The following ZNF469 variants were observed in gnomAD, a reference collection of about 807,000 sequenced individuals.
ZNF469 encodes zinc finger protein 469.
ZNF469 carries 1 observed loss-of-function variant against 1.0 expected under a neutral mutation model. That is an observed-to-expected ratio of 1.00 (90% confidence interval 0.35 to 4.73). The LOEUF is 4.73. Ranked by LOEUF, ZNF469 falls within the 30% of genes most tolerant of loss-of-function variation. The pLI is 0.16. For synonymous variants in ZNF469, 2,703 were observed against 2,363.4 expected, an observed-to-expected ratio of 1.14 and a Z score of -4.17; for missense variants, 6,100 against 5,356.3, an observed-to-expected ratio of 1.14 and a Z score of -4.33.
At position 88,397,239 on chromosome 16, in the gene ZNF469, G is replaced by A. The variant is rs116478276; in HGVS notation, c.-192+13985G>A. Among the ~76,000 whole-genome samples the A allele has an allele frequency of 4.8e-3, 736 of 152,370 alleles. 7 individuals carry two copies. Among genetic ancestry groups the A allele is most frequent in the African/African-American group, 0.017 (709 of 41,580 alleles). ...GGGAAGCCTCTCATTGGCGGACCCG[G>A]TGCCCACCCTCAAGCGATCACCATG... is the stretch of plus-strand genomic sequence containing the variant. On this transcript the variant is annotated intron_variant, in intron 1 of 2. Coordinates refer to ENST00000565624, the MANE Select transcript of ZNF469 (RefSeq NM_001367624.2).
rs376113906 is a variant in ZNF469, at chr16:88,424,308, G to A, written c.-191-499G>A. On this transcript the variant is annotated intron_variant, in intron 1 of 2. Transcript: ENST00000565624. This position sits in a 1 kb window ranked among gnomAD's most constrained non-coding sequence, Gnocchi z 4.3. ...CAGGTGCAGAACAGTGAGCGTAGCCGACGATCTTCTGTTGAAGGAAGGAGG... is the reference window on the plus strand; with the variant it reads ...CAGGTGCAGAACAGTGAGCGTAGCCAACGATCTTCTGTTGAAGGAAGGAGG... 8.5e-5 allele frequency among the ~76,000 whole-genome samples: 13 copies of A among 152,216 alleles called. No homozygotes were observed. The highest frequency in any genetic ancestry group is 1.6e-4 in the Non-Finnish European group (11 of 68,036).
the ZNF469 span, among the ~76,000 whole-genome samples, chr16:88,302,686 T>A: frequency 6.6e-6 from 1 of 152,164 alleles, no homozygotes; most frequent in Non-Finnish European, 1.5e-5. Flanking sequence ...CAGCATCTGC[T>A]CCCTGCCGGA....
the ZNF469 span, among the ~76,000 whole-genome samples, chr16:88,350,815 G>A: frequency 6.6e-6 from 1 of 152,212 alleles, no homozygotes; most frequent in African/African-American, 2.4e-5. Context: ...CAGCAATGCA[G>A]GCCTCTAGAA....
At chr16:88,352,094 C>T in the ZNF469 span, among the ~76,000 whole-genome samples, 1 of 152,130 alleles carries the variant, frequency 6.6e-6, no homozygotes, top group Non-Finnish European at 1.5e-5. Flanking sequence ...ACACAGAAAG[C>T]GGGTCCATGG....
chr16:88,129,315 G>A, the ZNF469 span, among the ~76,000 whole-genome samples: 3 of 152,338 alleles, frequency 2.0e-5, no homozygotes, highest in African/African-American at 2.4e-5. Context: ...GCCTCTCGGC[G>A]GGGTCTGGCG....
At chr16:88,137,918 T>C in the ZNF469 span, among the ~76,000 whole-genome samples, 1 of 152,062 alleles carries the variant, frequency 6.6e-6, no homozygotes, top group Admixed American at 6.6e-5. Flanking sequence ...GAAGATGGGA[T>C]TGGAAAGCTC....
At chr16:88,342,806 G>A in the ZNF469 span, among the ~76,000 whole-genome samples, 1 of 152,242 alleles carries the variant, frequency 6.6e-6, no homozygotes, top group African/African-American at 2.4e-5. Flanking sequence ...AGCGTAGGGC[G>A]ATGCCTGTCA....
chr16:88,202,030 T>C, the ZNF469 span, among the ~76,000 whole-genome samples: 1 of 152,164 alleles, frequency 6.6e-6, no homozygotes, highest in African/African-American at 2.4e-5. Flanking sequence ...TCGGAGGTTC[T>C]AGTGACTTCC....
At chr16:88,274,503 A>G in the ZNF469 span, among the ~76,000 whole-genome samples, 1 of 152,260 alleles carries the variant, frequency 6.6e-6, no homozygotes, top group East Asian at 1.9e-4. Context: ...CCGCACCAAT[A>G]GAAGTTTCAC....
the ZNF469 span, among the ~76,000 whole-genome samples, chr16:88,246,151 C>G: frequency 6.6e-6 from 1 of 152,270 alleles, no homozygotes. Context: ...TGAGAGCAAG[C>G]CAAGGGCAGG....
the ZNF469 span, among the ~76,000 whole-genome samples, chr16:88,312,119 C>G: frequency 6.6e-6 from 1 of 152,196 alleles, no homozygotes; most frequent in Non-Finnish European, 1.5e-5. Flanking sequence ...CCAGTATAAA[C>G]CCATCAGATC....
the ZNF469 span, among the ~76,000 whole-genome samples, chr16:88,181,083 T>A: frequency 6.6e-6 from 1 of 151,988 alleles, no homozygotes; most frequent in Non-Finnish European, 1.5e-5. Flanking sequence ...CTTTTTTTTT[T>A]TTTTTTTGAG....
At chr16:88,411,505 CAAGCAGGCAGGGGTGCGAGCGGGCA>C in intron 1 of ZNF469, among the ~76,000 whole-genome samples, 2 of 13,264 alleles carry the variant, frequency 1.5e-4, no homozygotes, top group African/African-American at 2.9e-4. Flanking sequence ...GGCAGGGGTG[CAAGCAGGCAGGGGTGCGAGCGGGCA>C]GGGGTGGGTG....
At chr16:88,351,644 G>A in the ZNF469 span, among the ~76,000 whole-genome samples, 32 of 152,188 alleles carry the variant, frequency 2.1e-4, no homozygotes, top group African/African-American at 2.7e-4. Flanking sequence ...TGTGGCGGCC[G>A]CCCTGGGCTG....
the ZNF469 span, among the ~76,000 whole-genome samples, chr16:88,324,420 G>A: frequency 3.9e-5 from 6 of 152,222 alleles, no homozygotes; most frequent in Non-Finnish European, 5.9e-5. Context: ...GAGCTCTCAG[G>A]TGTGAACACA....
At chr16:88,310,931 C>T in the ZNF469 span, among the ~76,000 whole-genome samples, 1 of 152,194 alleles carries the variant, frequency 6.6e-6, no homozygotes, top group Non-Finnish European at 1.5e-5. Flanking sequence ...TTTGTTGTCA[C>T]TGATGAACCC....
At chr16:88,279,793 C>T in the ZNF469 span, among the ~76,000 whole-genome samples, 5 of 146,322 alleles carry the variant, frequency 3.4e-5, no homozygotes, top group Admixed American at 6.8e-5. Flanking sequence ...TGCTGTGCCA[C>T]GCTGACACTC....
At chr16:88,385,247 G>C (rs755858884) in intron 1 of ZNF469, among the ~76,000 whole-genome samples, 4 of 152,094 alleles carry the variant, frequency 2.6e-5, no homozygotes, top group Non-Finnish European at 5.9e-5. Context: ...TGTCACCACC[G>C]ATAGTGCCCT....
the ZNF469 span, among the ~76,000 whole-genome samples, chr16:88,122,801 A>ATG: frequency 6.7e-6 from 1 of 149,802 alleles, no homozygotes; most frequent in Admixed American, 6.8e-5. Flanking sequence ...GTGTATATAT[A>ATG]TGTATATATA....
Sources: allele counts gnomAD v4.1 joint callset (sites outside exome capture counted in the v4.1 genomes callset), GRCh38; gene constraint gnomAD v4.1.1; non-coding constraint Gnocchi (gnomAD v3.1); transcripts MANE v1.5; gene names NCBI Gene and HGNC (gene_info 2026-07-23, HGNC 2026-07-21).